ABLIM2: variants seen among roughly 807,000 people sequenced by gnomAD.
ABLIM2 encodes actin-binding LIM protein 2.
A neutral mutation model predicts 97.7 loss-of-function variants in ABLIM2; 53 were observed. That is an observed-to-expected ratio of 0.54 (90% CI 0.44 to 0.68). The LOEUF is 0.68. Ranked by LOEUF, ABLIM2 falls within the 30% of genes least tolerant of loss-of-function variation. ABLIM2 has a pLI of 0.00. For synonymous variants in ABLIM2, 361 were observed against 345.8 expected (o/e 1.04, Z -0.49); for missense variants, 835 against 867.2 (o/e 0.96, Z 0.47).
rs11727691 is a variant in ABLIM2, at chr4:8,058,022, C to T, written c.763+2945G>A. The stretch of plus-strand genomic sequence containing the variant: ...TTAGGAGAGGGGACAGGCCTGGGTT[C>T]GACATCCCACAGAACCTCACAGCAG... On this transcript the variant is annotated intron_variant, in intron 7 of 20. Transcript: ENST00000447017. The surrounding 1 kb of genome is among the most constrained non-coding windows in gnomAD (Gnocchi z 4.2). 0.26 allele frequency among the ~76,000 whole-genome samples: 39,821 copies of T among 152,136 alleles called. 5,393 individuals are homozygous for T. Among genetic ancestry groups the T allele is most frequent in the South Asian group, 0.34 (1,625 of 4,826 alleles).
chr4:8,052,233 G>T (rs1399553487), intron 8 of ABLIM2, among the ~76,000 whole-genome samples: 1 of 152,186 alleles, frequency 6.6e-6, no homozygotes, highest in Admixed American at 6.5e-5. Context: ...TGGCCTTGGC[G>T]TGAGAGGCTC....
chr4:8,077,011 T>C (rs575476314), intron 6 of ABLIM2, among the ~76,000 whole-genome samples: 3 of 63,844 alleles, frequency 4.7e-5, no homozygotes, highest in Admixed American at 2.0e-4. Flanking sequence ...AGGATGGGGG[T>C]TGGGGGTCTG....
rs912126587 is a variant in ABLIM2 at position 8,085,052 on chromosome 4, T to C, written c.454+3117A>G. Among the ~76,000 whole-genome samples the C allele has an allele frequency of 2.0e-5, 3 of 151,988 alleles. No homozygotes were observed. The highest frequency in any genetic ancestry group is 2.9e-5 in the Non-Finnish European group (2 of 67,968). The stretch of plus-strand genomic sequence containing the variant: ...CGAGAGTGGTGGGGAAGCTGAGGCA[T>C]GCGGGGTGTTCGCTGCTCCTTCTGG... On this transcript the variant is annotated intron_variant, in intron 4 of 20. Transcript: ENST00000447017. The surrounding 1 kb of genome is among the most constrained non-coding windows in gnomAD (Gnocchi z 6.1).
intron 5 of ABLIM2, among the ~76,000 whole-genome samples, chr4:8,078,332 CCT>C (rs1817631656): frequency 6.6e-6 from 1 of 152,242 alleles, no homozygotes; most frequent in Non-Finnish European, 1.5e-5. Flanking sequence ...GCGTCCATCC[CCT>C]CTCCCCACGC....
At chr4:7,980,283 A>T (rs1736967411) in intron 20 of ABLIM2, among the ~76,000 whole-genome samples, 1 of 152,180 alleles carries the variant, frequency 6.6e-6, no homozygotes, top group African/African-American at 2.4e-5. Flanking sequence ...ATTAACATTA[A>T]AACAGAGATC....
chr4:8,076,516 T>A (rs935964278), intron 6 of ABLIM2, among the ~76,000 whole-genome samples: 1 of 151,840 alleles, frequency 6.6e-6, no homozygotes, highest in African/African-American at 2.4e-5. Context: ...CCCTACAGCC[T>A]CATCCCCAGC....
In ABLIM2 at chr4:7,986,016, T is replaced by C. The variant is rs566775553; in HGVS notation, c.1681-1123A>G. 6.6e-6 allele frequency among the ~76,000 whole-genome samples: 1 copy of C among 152,296 alleles called. No individual in the cohort carries two copies. Among genetic ancestry groups the C allele is most frequent in the Admixed American group, 6.5e-5 (1 of 15,308 alleles). On this transcript the variant is annotated intron_variant, in intron 17 of 20. Transcript: ENST00000447017. The surrounding 1 kb of genome is among the most constrained non-coding windows in gnomAD (Gnocchi z 4.3). ...AGCCCTGAGCCATGCTCTGTTGCGG[T>C]TGTGCCTTGGCTGCCCGCGGTGGAC...
At position 7,989,237 on chromosome 4, in the gene ABLIM2, A is replaced by C. The variant is rs147543773; in HGVS notation, c.1680+3629T>G. ...GGGATATTAGGCATGTGCTACCATG[A>C]CTGGCTAATTTTTCTATTTTTAGTA... On this transcript the variant is annotated intron_variant, in intron 17 of 20. Transcript: ENST00000447017. Among the ~76,000 whole-genome samples the C allele has an allele frequency of 1.4e-3, 208 of 152,022 alleles. 1 individual carries two copies. Among genetic ancestry groups the C allele is most frequent in the African/African-American group, 4.8e-3 (201 of 41,492 alleles).
intron 2 of ABLIM2, 52 bp downstream of exon 2, chr4:8,106,442 G>A (rs1005662982): frequency 1.6e-5 from 25 of 1,560,114 alleles, no homozygotes; most frequent in Admixed American, 9.6e-5. Context: ...CAGGATCGCC[G>A]CTGGGAGGCC....
chr4:8,097,255 C>G lies in ABLIM2; in HGVS notation c.182G>C (p.Gly61Ala). 6.4e-7 allele frequency: 1 copy of G among 1,568,052 alleles called. No homozygotes were observed. Among genetic ancestry groups the G allele is most frequent in the South Asian group, 1.2e-5 (1 of 85,152 alleles). Residue 61 changes from glycine (G) to alanine (A), a missense_variant, in exon 3 of 21, where the codon GGC (glycine) becomes GCC (alanine). By Grantham distance (60) the Gly-to-Ala change is moderately conservative. Transcript: ENST00000447017. Reference sequence around the variant, plus strand: ...GTACTCGCCCTGCCGCACGAAGAAGCCGCCCTCGGCCAGGTCGCAGCCACA... The same window carrying G: ...GTACTCGCCCTGCCGCACGAAGAAGGCGCCCTCGGCCAGGTCGCAGCCACA... ...KACGCDLAEG[G>A]FFVRQGEYIC... is the part of the protein sequence containing the mutation.
chr4:8,130,808 T>A lies in ABLIM2; in HGVS notation c.11-24171A>T, dbSNP rs1056164666. On this transcript the variant is annotated intron_variant, in intron 1 of 20. Coordinates refer to ENST00000447017, the MANE Select transcript of ABLIM2 (RefSeq NM_001130083.2). This position sits in a 1 kb window ranked among gnomAD's most constrained non-coding sequence, Gnocchi z 4.2. ...CAAAATCGGTATCACTGGGCTGATG[T>A]CAAGGCAGCCCCAAGGCCGAGCTCC... Among the ~76,000 whole-genome samples the A allele has an allele frequency of 3.3e-5, 5 of 152,150 alleles. No homozygotes were observed. Among genetic ancestry groups the A allele is most frequent in the Non-Finnish European group, 7.4e-5 (5 of 68,012 alleles).
chr4:8,158,299 G>A (rs1216340183), intron 1 of ABLIM2, among the ~76,000 whole-genome samples: 1 of 152,224 alleles, frequency 6.6e-6, no homozygotes, highest in Admixed American at 6.5e-5. Context: ...ACCTCTGCGT[G>A]CCTAGGTCTG....
Position 8,140,880 on chromosome 4 carries a change from A to C in ABLIM2, c.10+17800T>G, listed in dbSNP as rs35042269. Among the ~76,000 whole-genome samples the C allele has an allele frequency of 0.26, 40,199 of 151,892 alleles. 7,064 individuals are homozygous for C. Among genetic ancestry groups the C allele is most frequent in the African/African-American group, 0.5 (20,858 of 41,330 alleles). On this transcript the variant is annotated intron_variant, in intron 1 of 20. Coordinates refer to ENST00000447017, the MANE Select transcript of ABLIM2 (RefSeq NM_001130083.2). This position sits in a 1 kb window ranked among gnomAD's most constrained non-coding sequence, Gnocchi z 5.9. ...GCTATGAAGAATTAGAAGCTGGACC[A>C]ATGCAGAGGAGGCCTGGGTGGTGTG...
rs966012216 is a variant in ABLIM2, at chr4:8,003,397, G to A, written c.1618+4662C>T. Among the ~76,000 whole-genome samples the A allele has an allele frequency of 3.9e-5, 6 of 152,074 alleles. No homozygotes were observed. Among genetic ancestry groups the A allele is most frequent in the Non-Finnish European group, 8.8e-5 (6 of 68,018 alleles). On this transcript the variant is annotated intron_variant, in intron 16 of 20. Coordinates refer to ENST00000447017, the MANE Select transcript of ABLIM2 (RefSeq NM_001130083.2). The surrounding 1 kb of genome is among the most constrained non-coding windows in gnomAD (Gnocchi z 4.2). ...GAAACAGAATGGGTGTGTGGATACTGGAGGGTGTGTGGGTACTGAGGTTCG... is the reference window on the plus strand; with the variant it reads ...GAAACAGAATGGGTGTGTGGATACTAGAGGGTGTGTGGGTACTGAGGTTCG...
chr4:8,036,950 T>C (rs540645051), intron 9 of ABLIM2, among the ~76,000 whole-genome samples: 8 of 152,068 alleles, frequency 5.3e-5, no homozygotes, highest in Non-Finnish European at 1.2e-4. Context: ...CCCCAAATCC[T>C]CATATGCTCA....
At chr4:8,052,093 G>A (rs1182285257) in intron 8 of ABLIM2, among the ~76,000 whole-genome samples, 1 of 152,116 alleles carries the variant, frequency 6.6e-6, no homozygotes, top group African/African-American at 2.4e-5. Context: ...ACTACACCAC[G>A]TGTGTCCGCG....
In ABLIM2 at chr4:8,095,773, C is replaced by T. The variant is rs953906393; in HGVS notation, c.338+1326G>A. On this transcript the variant is annotated intron_variant, in intron 3 of 20. Transcript: ENST00000447017. The surrounding 1 kb of genome is among the most constrained non-coding windows in gnomAD (Gnocchi z 4.7). ...GGGCTGTTTTGTCTTCTGGATGAGA[C>T]GCGACCTTTTGGTGTCCACACTGCA... Among the ~76,000 whole-genome samples the T allele has an allele frequency of 8.5e-5, 13 of 152,068 alleles. No homozygotes were observed. The highest frequency in any genetic ancestry group is 2.0e-4 in the Admixed American group (3 of 15,248).
chr4:8,062,780 C>G (rs1423827563), intron 6 of ABLIM2, among the ~76,000 whole-genome samples: 1 of 152,118 alleles, frequency 6.6e-6, no homozygotes, highest in Admixed American at 6.5e-5. Flanking sequence ...GAGATTGAGA[C>G]AGCTCTGTAT....
Position 8,046,996 on chromosome 4 carries a change from C to T in ABLIM2, c.823-1755G>A, listed in dbSNP as rs971856294. On this transcript the variant is annotated intron_variant, in intron 8 of 20. Transcript: ENST00000447017. The surrounding 1 kb of genome is among the most constrained non-coding windows in gnomAD (Gnocchi z 4.4). ...TGTGCAGGCCACCCAGGCCGGGTGC[C>T]TTTATCGGGGAAGCCCCAGCTGCCT... Among the ~76,000 whole-genome samples, 1 of 152,320 alleles carries T rather than the reference C, an allele frequency of 6.6e-6. No homozygotes were observed. The highest frequency in any genetic ancestry group is 1.5e-5 in the Non-Finnish European group (1 of 68,026).
Sources: allele counts gnomAD v4.1 joint callset (sites outside exome capture counted in the v4.1 genomes callset), GRCh38; gene constraint gnomAD v4.1.1; non-coding constraint Gnocchi (gnomAD v3.1); transcripts MANE v1.5; gene names NCBI Gene and HGNC (gene_info 2026-07-23, HGNC 2026-07-21).